The following RIC1 variants were observed in gnomAD, a reference collection of about 807,000 sequenced individuals.
RIC1 encodes the protein guanine nucleotide exchange factor subunit RIC1.
In RIC1, 88 loss-of-function variants were observed where a neutral mutation model predicts 169.0. That is an observed-to-expected ratio of 0.52 (90% CI 0.44 to 0.62). The LOEUF (loss-of-function observed/expected upper bound fraction) is 0.62. RIC1 is among the 20% of genes least tolerant of loss of function. The pLI, the probability that RIC1 is intolerant of heterozygous loss-of-function variation, is 0.00. For synonymous variants in RIC1, 790 were observed against 601.5 expected (o/e 1.31, Z -4.59); for missense variants, 1,877 against 1,725.5 (o/e 1.09, Z -1.56).
In RIC1 at chr9:5,747,366, C is replaced by T. The variant is rs762221334; in HGVS notation, c.1313C>T (p.Ser438Leu). ...DRLYLNCGEA[S>L]QTQNPRSSST... ...TTGTACTTGAACTGTGGAGAGGCTT[C>T]ACAAACCCAGAATCCCAGGAGTTCT... Residue 438 changes from serine to leucine, a missense_variant, in exon 12 of 26, where the codon TCA (serine) becomes TTA (leucine). Ser to Leu is a moderately radical substitution (Grantham distance 145, BLOSUM62 -2). Around this residue, in one of 3 missense-constraint regions of RIC1, gnomAD observed 1,104 missense variants for 992.0 expected, o/e 1.11. Coordinates refer to ENST00000414202, the MANE Select transcript of RIC1 (RefSeq NM_020829.4). 6.2e-7 allele frequency: 1 copy of T among 1,614,068 alleles called. No individual in the cohort carries two copies. The highest frequency in any genetic ancestry group is 8.5e-7 in the Non-Finnish European group (1 of 1,179,944).
chr9:5,705,400 T>C (rs1822523269), intron 3 of RIC1, among the ~76,000 whole-genome samples: 1 of 152,154 alleles, frequency 6.6e-6, no homozygotes, highest in Non-Finnish European at 1.5e-5. Context: ...AAGTATTTTA[T>C]TCCTTTTTGA....
chr9:5,704,882 C>T (rs979295663), intron 3 of RIC1, among the ~76,000 whole-genome samples: 3 of 152,130 alleles, frequency 2.0e-5, no homozygotes, highest in South Asian at 4.2e-4. Flanking sequence ...TTAATTCTTT[C>T]GTAAATGGTT....
At position 5,743,735 on chromosome 9, in the gene RIC1, A is replaced by G. The variant is rs563113259; in HGVS notation, c.1093A>G (p.Met365Val). The G allele has an allele frequency of 4.0e-5, 64 of 1,606,038 alleles. No homozygotes were observed. The highest frequency in any genetic ancestry group is 6.7e-5 in the Admixed American group (4 of 59,544). Reference sequence around the variant, plus strand: ...AAAAGATCCCCTTAAGATCAACTCTATGGTAAGTACTTTCTATAAAAAATT... The same window carrying G: ...AAAAGATCCCCTTAAGATCAACTCTGTGGTAAGTACTTTCTATAAAAAATT... ...TKKDPLKINS[M>V]SWGAEGYHLW... Residue 365 changes from methionine (M) to valine (V), a missense_variant and splice_region_variant, in exon 10 of 26, where the codon ATG becomes GTG. This residue lies in a region of RIC1 where 1,104 missense variants were observed against 992.0 expected (regional missense o/e 1.11). Transcript: ENST00000414202.
intron 6 of RIC1, among the ~76,000 whole-genome samples, chr9:5,724,740 T>A (rs1823849577): frequency 6.6e-6 from 1 of 152,238 alleles, no homozygotes; most frequent in African/African-American, 2.4e-5. Flanking sequence ...CATCAATACC[T>A]AGTTTATTGA....
chr9:5,688,660 A>G (rs1340052482), intron 2 of RIC1, among the ~76,000 whole-genome samples: 1 of 152,198 alleles, frequency 6.6e-6, no homozygotes, highest in Non-Finnish European at 1.5e-5. Flanking sequence ...AAAATAGTAA[A>G]GTTAATGGTC....
rs571623634 is a variant in RIC1 at position 5,766,494 on chromosome 9, C to T, written c.3137+696C>T. On this transcript the variant is annotated intron_variant, in intron 21 of 25. Coordinates refer to ENST00000414202, the MANE Select transcript of RIC1 (RefSeq NM_020829.4). Reference sequence around the variant, plus strand: ...CATATTTGTTGTCTTTTATCCCTCACCCCCTCCCAGCCTTTCCCCCAAGTC... The same window carrying T: ...CATATTTGTTGTCTTTTATCCCTCATCCCCTCCCAGCCTTTCCCCCAAGTC... Among the ~76,000 whole-genome samples, 3 of 152,254 alleles carry T rather than the reference C, an allele frequency of 2.0e-5. No individual in the cohort carries two copies. In the South Asian group the frequency reaches 6.2e-4, roughly 32 times the overall value.
At chr9:5,650,533 C>T (rs985551294) in intron 1 of RIC1, among the ~76,000 whole-genome samples, 1 of 151,962 alleles carries the variant, frequency 6.6e-6, no homozygotes. Flanking sequence ...GTGTCGGTGT[C>T]AGTAGCCTCA....
At chr9:5,706,740 G>A (rs1016487252) in intron 3 of RIC1, among the ~76,000 whole-genome samples, 4 of 152,056 alleles carry the variant, frequency 2.6e-5, no homozygotes, top group Non-Finnish European at 5.9e-5. Context: ...GCATTCAGTT[G>A]TTTACAATAT....
intron 10 of RIC1, among the ~76,000 whole-genome samples, chr9:5,744,430 A>G (rs960005387): frequency 6.6e-6 from 1 of 152,176 alleles, no homozygotes; most frequent in Non-Finnish European, 1.5e-5. Flanking sequence ...CACTGTTGTA[A>G]ACAATACAGG....
intron 2 of RIC1, among the ~76,000 whole-genome samples, chr9:5,669,835 C>G (rs1315206365): frequency 6.6e-6 from 1 of 152,146 alleles, no homozygotes; most frequent in Non-Finnish European, 1.5e-5. Flanking sequence ...AATGGGGATT[C>G]TGGCTAAAAC....
At chr9:5,645,088 T>A (rs1424923612) in intron 1 of RIC1, among the ~76,000 whole-genome samples, 1 of 152,136 alleles carries the variant, frequency 6.6e-6, no homozygotes, top group African/African-American at 2.4e-5. Flanking sequence ...TTCAAATCCT[T>A]TGTCCATTTA....
intron 4 of RIC1, among the ~76,000 whole-genome samples, chr9:5,715,787 C>T (rs1248833619): frequency 2.0e-5 from 3 of 150,794 alleles, no homozygotes; most frequent in African/African-American, 4.9e-5. Context: ...AGAGTTTCCC[C>T]TCCCCTCCCT....
intron 9 of RIC1, among the ~76,000 whole-genome samples, chr9:5,743,412 C>T (rs769144132): frequency 4.0e-4 from 61 of 152,030 alleles, no homozygotes; most frequent in Non-Finnish European, 4.4e-4. Context: ...GGTATCTCTG[C>T]CCACTTCATA....
At chr9:5,661,612 C>A (rs1819455279) in intron 2 of RIC1, among the ~76,000 whole-genome samples, 1 of 152,102 alleles carries the variant, frequency 6.6e-6, no homozygotes, top group East Asian at 1.9e-4. Context: ...AATGGGAGTT[C>A]ATTCATGATT....
At chr9:5,726,451 G>T (rs913257889) in intron 6 of RIC1, among the ~76,000 whole-genome samples, 1 of 152,114 alleles carries the variant, frequency 6.6e-6, no homozygotes, top group African/African-American at 2.4e-5. Flanking sequence ...GTGTGTCTCT[G>T]CACGTAAGGT....
chr9:5,715,931 T>TC (rs1823212258), intron 4 of RIC1, among the ~76,000 whole-genome samples: 1 of 151,912 alleles, frequency 6.6e-6, no homozygotes, highest in Admixed American at 6.6e-5. Flanking sequence ...CACTGCAGCC[T>TC]CAGCCTCCTG....
intron 2 of RIC1, among the ~76,000 whole-genome samples, chr9:5,673,363 A>C (rs1199575394): frequency 1.3e-5 from 2 of 151,830 alleles, no homozygotes; most frequent in African/African-American, 4.8e-5. Context: ...AATCTAATGC[A>C]GGCATAAACA....
chr9:5,708,410 C>G (rs536193949), intron 3 of RIC1, among the ~76,000 whole-genome samples: 1 of 152,220 alleles, frequency 6.6e-6, no homozygotes, highest in Non-Finnish European at 1.5e-5. Flanking sequence ...GTTATTGCCT[C>G]TTGTTTTTTC....
intron 19 of RIC1, chr9:5,765,135 T>C (rs1826627056): frequency 3.7e-6 from 1 of 270,628 alleles, no homozygotes; most frequent in Non-Finnish European, 6.9e-6. Context: ...ACAAATGATA[T>C]GCCTATCTGC....
Sources: gnomAD v4.1 joint callset for allele counts (sites outside exome capture counted in the v4.1 genomes callset) on GRCh38, gnomAD v4.1.1 for gene constraint, gnomAD v4.1.1 regional missense constraint, MANE v1.5 for transcripts, NCBI Gene and HGNC (gene_info 2026-07-23, HGNC 2026-07-21) for gene names.